The following ACOXL variants were observed in gnomAD, a reference collection of about 807,000 sequenced individuals.
ACOXL encodes the protein acyl-CoA oxidase like.
ACOXL carries 70 observed loss-of-function variants against 71.9 expected under a neutral mutation model. The observed-to-expected ratio is 0.97, with a 90% CI of 0.80 to 1.19. The LOEUF is 1.19. Ranked by LOEUF, ACOXL falls within the 50% of genes most tolerant of loss-of-function variation. The pLI, the probability that ACOXL is intolerant of heterozygous loss-of-function variation, is 0.00. For synonymous variants in ACOXL, 253 were observed against 281.6 expected (o/e 0.90, Z 1.02); for missense variants, 703 against 736.3 (o/e 0.95, Z 0.52).
chr2:110,770,709 A>G (rs1681793489), intron 2 of ACOXL, among the ~76,000 whole-genome samples: 1 of 152,228 alleles, frequency 6.6e-6, no homozygotes, highest in Non-Finnish European at 1.5e-5. Flanking sequence ...TTTGCTGCCA[A>G]CCACTCTCTC....
At chr2:110,905,138 G>T (rs2059394263) in intron 10 of ACOXL, among the ~76,000 whole-genome samples, 1 of 152,170 alleles carries the variant, frequency 6.6e-6, no homozygotes, top group South Asian at 2.1e-4. Flanking sequence ...AACATGAAAT[G>T]CTCAGGGCAT....
chr2:110,806,923 T>G (rs1030886229), intron 9 of ACOXL, among the ~76,000 whole-genome samples: 3 of 151,968 alleles, frequency 2.0e-5, no homozygotes, highest in Non-Finnish European at 4.4e-5. Flanking sequence ...GGTGGGAGCC[T>G]TCCAGGAGGG....
At chr2:110,876,940 A>G (rs539830908) in intron 10 of ACOXL, among the ~76,000 whole-genome samples, 1 of 152,182 alleles carries the variant, frequency 6.6e-6, no homozygotes, top group Non-Finnish European at 1.5e-5. Flanking sequence ...TATATCAGTG[A>G]TATTGAAACT....
At chr2:111,050,033 C>T (rs1227420356) in intron 16 of ACOXL, among the ~76,000 whole-genome samples, 1 of 152,212 alleles carries the variant, frequency 6.6e-6, no homozygotes, top group Non-Finnish European at 1.5e-5. Context: ...AAGACTCATG[C>T]TTTCACACAG....
intron 14 of ACOXL, among the ~76,000 whole-genome samples, chr2:111,017,117 C>T (rs2064483783): frequency 6.6e-6 from 1 of 152,228 alleles, no homozygotes; most frequent in Non-Finnish European, 1.5e-5. Context: ...GACAACACCG[C>T]ACTACAGTTT....
intron 10 of ACOXL, among the ~76,000 whole-genome samples, chr2:110,863,852 C>G (rs1694240784): frequency 6.6e-6 from 1 of 152,202 alleles, no homozygotes; most frequent in African/African-American, 2.4e-5. Flanking sequence ...AACCAGACAG[C>G]TGAGCCTCTT....
At chr2:110,887,095 C>T in intron 10 of ACOXL, 1 of 430,524 alleles carries the variant, frequency 2.3e-6, no homozygotes, top group Non-Finnish European at 4.2e-6. Context: ...CTCTGCCTGG[C>T]AAGGACGATC....
chr2:111,027,108 G>C (rs967055956), intron 14 of ACOXL, among the ~76,000 whole-genome samples: 3 of 151,978 alleles, frequency 2.0e-5, no homozygotes, highest in Non-Finnish European at 4.4e-5. Flanking sequence ...TGTTGCCCAG[G>C]CTGGTCTTGA....
At chr2:110,746,997 A>C (rs1429522847) in intron 1 of ACOXL, among the ~76,000 whole-genome samples, 1 of 152,176 alleles carries the variant, frequency 6.6e-6, no homozygotes. Context: ...TGTGGGCTGA[A>C]ATAAAATGCA....
At chr2:110,850,827 A>C (rs1692510557) in intron 10 of ACOXL, among the ~76,000 whole-genome samples, 1 of 152,218 alleles carries the variant, frequency 6.6e-6, no homozygotes, top group Non-Finnish European at 1.5e-5. Context: ...TACTTAAAGG[A>C]GAGAAATGAA....
intron 13 of ACOXL, among the ~76,000 whole-genome samples, chr2:110,990,144 A>G (rs535910015): frequency 1.8e-4 from 27 of 152,232 alleles, no homozygotes; most frequent in Non-Finnish European, 2.9e-4. Context: ...CTTTGAAAAT[A>G]TATTAAATCT....
chr2:110,894,833 T>C (rs897520500), intron 10 of ACOXL, among the ~76,000 whole-genome samples: 2 of 152,100 alleles, frequency 1.3e-5, no homozygotes, highest in Non-Finnish European at 2.9e-5. Context: ...TCCCTAGCAG[T>C]AATGAGGAGC....
chr2:111,002,162 G>A (rs572387360), intron 14 of ACOXL, among the ~76,000 whole-genome samples: 6 of 152,172 alleles, frequency 3.9e-5, no homozygotes, highest in Non-Finnish European at 7.4e-5. Flanking sequence ...GGGACAGACA[G>A]CCAGCAACTG....
chr2:110,940,271 C>A (rs1446386702), intron 12 of ACOXL, among the ~76,000 whole-genome samples: 1 of 152,154 alleles, frequency 6.6e-6, no homozygotes, highest in Non-Finnish European at 1.5e-5. Context: ...ACTGATCAAA[C>A]AGAAAGGGTC....
At chr2:111,110,243 G>GTC (rs2150077710) in intron 17 of ACOXL, among the ~76,000 whole-genome samples, 1 of 152,274 alleles carries the variant, frequency 6.6e-6, no homozygotes, top group East Asian at 1.9e-4. Flanking sequence ...TCCTCCTAGA[G>GTC]TCAGGTTGAG....
chr2:110,811,674 C>T (rs2105419857), intron 9 of ACOXL, among the ~76,000 whole-genome samples: 1 of 147,694 alleles, frequency 6.8e-6, no homozygotes, highest in Admixed American at 6.9e-5. Context: ...GAGGTGGGGT[C>T]ACATTGCTCA....
intron 11 of ACOXL, among the ~76,000 whole-genome samples, chr2:110,918,508 C>G (rs1031197076): frequency 1.3e-5 from 2 of 152,154 alleles, no homozygotes; most frequent in African/African-American, 4.8e-5. Context: ...GGCTTCATGA[C>G]TAAAACACCA....
chr2:110,929,851 C>A (rs1244473965), intron 11 of ACOXL, among the ~76,000 whole-genome samples: 1 of 152,190 alleles, frequency 6.6e-6, no homozygotes, highest in South Asian at 2.1e-4. Flanking sequence ...TGGTGTTGAG[C>A]CTGCAGGTTC....
intron 10 of ACOXL, among the ~76,000 whole-genome samples, chr2:110,892,316 G>C (rs1698013110): frequency 1.3e-5 from 2 of 152,110 alleles, no homozygotes. Flanking sequence ...TGAAGTCCTG[G>C]GAAACCTGCA....
Sources: gnomAD v4.1 joint callset for allele counts (sites outside exome capture counted in the v4.1 genomes callset) on GRCh38, gnomAD v4.1.1 for gene constraint, MANE v1.5 for transcripts, NCBI Gene and HGNC (gene_info 2026-07-23, HGNC 2026-07-21) for gene names.